Variants in ARK2C observed in about 807,000 individuals in gnomAD.
The protein encoded by ARK2C is arkadia (RNF111) C-terminal like ring finger ubiquitin ligase 2C, also known as E3 ubiquitin-protein ligase ARK2C.
the ARK2C span, among the ~76,000 whole-genome samples, chr18:46,344,337 G>A: frequency 1.3e-5 from 2 of 151,964 alleles, no homozygotes; most frequent in African/African-American, 2.4e-5. Context: ...GGGTGGAGGC[G>A]CTCTCCATGT....
chr18:46,433,099 C>A, the ARK2C span: 3 of 966,948 alleles, frequency 3.1e-6, no homozygotes, highest in Non-Finnish European at 4.5e-6. Flanking sequence ...TGAGCTTCAC[C>A]AGCCCCAGGC....
the ARK2C span, among the ~76,000 whole-genome samples, chr18:46,438,692 G>A: frequency 5.9e-5 from 9 of 152,186 alleles, no homozygotes; most frequent in African/African-American, 2.2e-4. Flanking sequence ...GGCCTCAGAT[G>A]CACCTGTGAA....
the ARK2C span, among the ~76,000 whole-genome samples, chr18:46,378,754 G>A: frequency 6.6e-6 from 1 of 152,326 alleles, no homozygotes; most frequent in South Asian, 2.1e-4. Flanking sequence ...GTGCAAGAGG[G>A]TGGGGCTTGG....
At chr18:46,392,938 A>G in the ARK2C span, among the ~76,000 whole-genome samples, 3 of 152,010 alleles carry the variant, frequency 2.0e-5, no homozygotes, top group Non-Finnish European at 1.5e-5. Flanking sequence ...AACCCAAGAA[A>G]CACCATGGAA....
chr18:46,393,789 C>T, the ARK2C span, among the ~76,000 whole-genome samples: 1 of 152,356 alleles, frequency 6.6e-6, no homozygotes, highest in East Asian at 1.9e-4. Flanking sequence ...TTTTGGAGAG[C>T]CTGGCAGGTC....
At chr18:46,400,510 T>G in the ARK2C span, among the ~76,000 whole-genome samples, 1 of 152,120 alleles carries the variant, frequency 6.6e-6, no homozygotes, top group Non-Finnish European at 1.5e-5. Flanking sequence ...CGTAAGACTG[T>G]GTGACCTGCC....
chr18:46,366,077 G>A, the ARK2C span, among the ~76,000 whole-genome samples: 1 of 151,972 alleles, frequency 6.6e-6, no homozygotes, highest in Admixed American at 6.5e-5. Context: ...CGGATCACCT[G>A]AGGTCAGGAG....
At chr18:46,388,227 C>T in the ARK2C span, among the ~76,000 whole-genome samples, 1 of 152,166 alleles carries the variant, frequency 6.6e-6, no homozygotes, top group South Asian at 2.1e-4. Flanking sequence ...TGGAGAAATC[C>T]TGTATGTAAT....
At chr18:46,461,483 A>G in the ARK2C span, 3 of 152,130 alleles carry the variant, frequency 2.0e-5, no homozygotes, top group African/African-American at 7.2e-5. Context: ...TGTCTCTACT[A>G]AAAATACAAA....
At chr18:46,370,094 G>A in the ARK2C span, among the ~76,000 whole-genome samples, 3 of 152,204 alleles carry the variant, frequency 2.0e-5, no homozygotes, top group African/African-American at 7.2e-5. Flanking sequence ...TCTTCCCTTT[G>A]AGCATCACTT....
chr18:46,385,259 C>A, the ARK2C span, among the ~76,000 whole-genome samples: 100 of 152,312 alleles, frequency 6.6e-4, 3 homozygotes, highest in African/African-American at 2.3e-3. Context: ...GGCCTCAAAT[C>A]TAATTGCACA....
At chr18:46,425,095 C>T in the ARK2C span, among the ~76,000 whole-genome samples, 1 of 152,238 alleles carries the variant, frequency 6.6e-6, no homozygotes, top group African/African-American at 2.4e-5. Context: ...GGCCCTGCCT[C>T]CAGTGTCCCC....
At chr18:46,387,667 CT>C in the ARK2C span, among the ~76,000 whole-genome samples, 135 of 152,242 alleles carry the variant, frequency 8.9e-4, no homozygotes, top group Non-Finnish European at 1.6e-3. Context: ...GCAAGGGCCC[CT>C]GAATGGGAAC....
chr18:46,371,454 T>A, the ARK2C span, among the ~76,000 whole-genome samples: 1 of 152,162 alleles, frequency 6.6e-6, no homozygotes, highest in Non-Finnish European at 1.5e-5. Context: ...TTCTCAGTCA[T>A]CTCAGAGAGA....
chr18:46,389,057 G>A, the ARK2C span, among the ~76,000 whole-genome samples: 1 of 152,142 alleles, frequency 6.6e-6, no homozygotes, highest in Non-Finnish European at 1.5e-5. Flanking sequence ...CAACAGATTG[G>A]GAACAACTAT....
chr18:46,450,808 G>A, the ARK2C span: 1 of 1,599,210 alleles, frequency 6.3e-7, no homozygotes, highest in Non-Finnish European at 8.6e-7. Flanking sequence ...AGGTGGGTCT[G>A]CCAGCAGGCC....
At chr18:46,341,474 A>G in the ARK2C span, among the ~76,000 whole-genome samples, 3 of 152,200 alleles carry the variant, frequency 2.0e-5, no homozygotes, top group African/African-American at 7.2e-5. Context: ...CCATGAAGAC[A>G]AACGGGGAAC....
At chr18:46,352,050 T>A in the ARK2C span, among the ~76,000 whole-genome samples, 1 of 152,182 alleles carries the variant, frequency 6.6e-6, no homozygotes. Context: ...GCAGACCCTG[T>A]CACTCCCAGG....
the ARK2C span, among the ~76,000 whole-genome samples, chr18:46,422,657 C>G: frequency 6.6e-6 from 1 of 152,164 alleles, no homozygotes; most frequent in African/African-American, 2.4e-5. Context: ...TCCAGTTTGG[C>G]AACTTTAACT....
Sources: gnomAD v4.1 joint callset for allele counts (sites outside exome capture counted in the v4.1 genomes callset) on GRCh38, gnomAD v4.1.1 for gene constraint, MANE v1.5 for transcripts, NCBI Gene and HGNC (gene_info 2026-07-23, HGNC 2026-07-21) for gene names.